The following SLC4A10 variants were observed in gnomAD, a reference collection of about 807,000 sequenced individuals.
The protein encoded by SLC4A10 is sodium-driven chloride bicarbonate exchanger.
In SLC4A10, 42 loss-of-function variants were observed where a neutral mutation model predicts 137.7. The observed-to-expected ratio is 0.30, with a 90% CI of 0.24 to 0.39. The LOEUF (loss-of-function observed/expected upper bound fraction) is 0.39, where lower values mean the gene tolerates loss of function less well. Ranked by LOEUF, SLC4A10 falls within the 10% of genes least tolerant of loss-of-function variation. The probability of loss-of-function intolerance (pLI) is 1.00; values close to 1 mark genes in which losing one functional copy is unlikely to be tolerated. For synonymous variants in SLC4A10, 474 were observed against 464.1 expected (o/e 1.02, Z -0.27); for missense variants, 925 against 1,355.0 (o/e 0.68, Z 4.98).
chr2:161,653,034 A>G (rs536110415), intron 1 of SLC4A10, among the ~76,000 whole-genome samples: 59 of 151,988 alleles, frequency 3.9e-4, no homozygotes, highest in African/African-American at 1.4e-3. Context: ...TCAGTGTGTG[A>G]TGTTCCCCTC....
chr2:161,847,688 T>C (rs1486143319), intron 4 of SLC4A10, among the ~76,000 whole-genome samples: 2 of 152,174 alleles, frequency 1.3e-5, no homozygotes, highest in Non-Finnish European at 2.9e-5. Context: ...TCTATTCATG[T>C]TGCTGCAAAG....
At chr2:161,907,055 C>CAAAAAAAAAA (rs556899761) in intron 15 of SLC4A10, among the ~76,000 whole-genome samples, 1 of 90,886 alleles carries the variant, frequency 1.1e-5, no homozygotes. Context: ...GACTCCGTCT[C>CAAAAAAAAAA]AAAAAAAAAA....
chr2:161,802,426 A>C (rs1394457838), intron 2 of SLC4A10, among the ~76,000 whole-genome samples: 2 of 152,130 alleles, frequency 1.3e-5, no homozygotes, highest in Non-Finnish European at 2.9e-5. Context: ...TTTAAGTACA[A>C]ATATATCCAC....
At chr2:161,885,763 CT>C (rs1437552708) in intron 10 of SLC4A10, among the ~76,000 whole-genome samples, 3 of 152,250 alleles carry the variant, frequency 2.0e-5, no homozygotes, top group African/African-American at 7.2e-5. Context: ...CATAGGAGAA[CT>C]TAAAACTGAG....
intron 2 of SLC4A10, among the ~76,000 whole-genome samples, chr2:161,784,744 C>A (rs2053429708): frequency 6.6e-6 from 1 of 150,488 alleles, no homozygotes; most frequent in African/African-American, 2.4e-5. Flanking sequence ...GGTATACAGC[C>A]AAAGCACTAT....
At chr2:161,857,569 G>A (rs1206284110) in intron 5 of SLC4A10, among the ~76,000 whole-genome samples, 2 of 151,948 alleles carry the variant, frequency 1.3e-5, no homozygotes, top group Admixed American at 6.6e-5. Context: ...AAATTTAAAA[G>A]TTACTTATTT....
chr2:161,941,375 G>C (rs1206218164), intron 15 of SLC4A10, among the ~76,000 whole-genome samples: 1 of 152,078 alleles, frequency 6.6e-6, no homozygotes, highest in Non-Finnish European at 1.5e-5. Flanking sequence ...AATGAGACAG[G>C]AATTCATACT....
intron 1 of SLC4A10, among the ~76,000 whole-genome samples, chr2:161,624,843 G>T (rs2031959605): frequency 6.6e-6 from 1 of 152,012 alleles, no homozygotes; most frequent in Non-Finnish European, 1.5e-5. Flanking sequence ...TAGCAGCAGG[G>T]GCAGTTACGT....
chr2:161,907,092 A>G (rs1222266920), intron 15 of SLC4A10, among the ~76,000 whole-genome samples: 2 of 151,924 alleles, frequency 1.3e-5, no homozygotes, highest in East Asian at 1.9e-4. Context: ...GAATCACGAA[A>G]TGATATTATG....
chr2:161,782,696 TA>T (rs1243929406), intron 2 of SLC4A10, among the ~76,000 whole-genome samples: 4 of 147,262 alleles, frequency 2.7e-5, no homozygotes, highest in Non-Finnish European at 4.5e-5. Context: ...ATAAAATAAT[TA>T]AATTGAAAAA....
chr2:161,912,195 G>A (rs553985694), intron 15 of SLC4A10, among the ~76,000 whole-genome samples: 5 of 152,104 alleles, frequency 3.3e-5, no homozygotes, highest in Admixed American at 6.5e-5. Flanking sequence ...GTTACTCTTC[G>A]TATCTACTTT....
chr2:161,899,531 G>A (rs1450921055), intron 11 of SLC4A10, among the ~76,000 whole-genome samples: 1 of 152,074 alleles, frequency 6.6e-6, no homozygotes, highest in African/African-American at 2.4e-5. Flanking sequence ...TCAATGAACA[G>A]CATTTAAGAG....
chr2:161,889,795 T>C (rs2062726191), intron 10 of SLC4A10, among the ~76,000 whole-genome samples: 1 of 152,198 alleles, frequency 6.6e-6, no homozygotes, highest in South Asian at 2.1e-4. Context: ...CCTTTAGCTC[T>C]GCTCTGACCT....
chr2:161,856,735 C>T (rs1221819954), intron 5 of SLC4A10, among the ~76,000 whole-genome samples: 2 of 152,176 alleles, frequency 1.3e-5, no homozygotes, highest in Middle Eastern at 3.4e-3. Context: ...TTTCACAGTA[C>T]TTTCAAGTAT....
chr2:161,678,435 G>A (rs2040491321), intron 1 of SLC4A10, among the ~76,000 whole-genome samples: 1 of 152,136 alleles, frequency 6.6e-6, no homozygotes, highest in Non-Finnish European at 1.5e-5. Context: ...TTTTATTAAT[G>A]CCAAAGTGAG....
chr2:161,705,876 T>C (rs62189005), intron 1 of SLC4A10, among the ~76,000 whole-genome samples: 11,278 of 151,576 alleles, frequency 0.074, 522 homozygotes, highest in East Asian at 0.14. Context: ...CTTCATTTCT[T>C]TTATCAAATA....
intron 4 of SLC4A10, among the ~76,000 whole-genome samples, chr2:161,841,467 A>G (rs2059178595): frequency 6.6e-6 from 1 of 152,202 alleles, no homozygotes; most frequent in Non-Finnish European, 1.5e-5. Flanking sequence ...CATATTTATT[A>G]GTGGTCCTCA....
chr2:161,855,106 G>A lies in SLC4A10; in HGVS notation c.553G>A (p.Ala185Thr), dbSNP rs1344686373. ...TGGAACTGTGTTGCTGGACATGCATGCCAACACTTTAGAAGAAATTGCAGG... is the reference window on the plus strand; with the variant it reads ...TGGAACTGTGTTGCTGGACATGCATACCAACACTTTAGAAGAAATTGCAGG... ...LNGTVLLDMH[A>T]NTLEEIADMV... Residue 185 changes from alanine (A) to threonine (T), a missense_variant, in exon 5 of 27, where the codon GCC (alanine) becomes ACC (threonine). Coordinates refer to ENST00000446997, the MANE Select transcript of SLC4A10 (RefSeq NM_001178015.2). 1 of 1,609,758 alleles carries A rather than the reference G, an allele frequency of 6.2e-7. No individual in the cohort carries two copies. Among genetic ancestry groups the A allele is most frequent in the South Asian group, 1.1e-5 (1 of 90,250 alleles).
At chr2:161,792,168 G>A (rs1012587749) in intron 2 of SLC4A10, among the ~76,000 whole-genome samples, 9 of 152,074 alleles carry the variant, frequency 5.9e-5, no homozygotes, top group African/African-American at 1.9e-4. Flanking sequence ...TGTGGATAAG[G>A]AGAACTGTGT....
Sources: gnomAD v4.1 joint callset for allele counts (sites outside exome capture counted in the v4.1 genomes callset) on GRCh38, gnomAD v4.1.1 for gene constraint, MANE v1.5 for transcripts, NCBI Gene and HGNC (gene_info 2026-07-23, HGNC 2026-07-21) for gene names.